Variants in KIF3C observed in about 807,000 individuals in gnomAD.
The protein encoded by KIF3C is kinesin family member 3C, also known as kinesin-like protein KIF3C.
Under a neutral mutation model 67.7 loss-of-function variants are expected in KIF3C, and 12 were observed. The ratio of observed to expected loss-of-function variants is 0.18; its 90% CI spans 0.11 to 0.29. The LOEUF is 0.29. Among genes scored for constraint, KIF3C ranks in the 10% least tolerant of loss-of-function variants. KIF3C has a pLI of 1.00. For synonymous variants in KIF3C, 393 were observed against 426.2 expected, an observed-to-expected ratio of 0.92 and a Z score of 0.96; for missense variants, 789 against 1,059.6, an observed-to-expected ratio of 0.74 and a Z score of 3.55.
Position 25,980,578 on chromosome 2 carries a change from G to T in KIF3C, c.1340C>A (p.Pro447His), listed in dbSNP as rs773812754. ...CTTCTCCAAGGCTGACTCCAGGATG[G>T]GCTGGGGCGGGCGGTGGTTGTTGTT... ...DNNNNHRPPQ[P>H]ILESALEKNM... The change falls in exon 1 of 8, where the codon CCC becomes CAC. Residue 447 changes from proline (P) to histidine (H), a missense_variant. Pro to His is a moderately conservative substitution (Grantham distance 77, BLOSUM62 -2). This residue lies in a region of KIF3C where 648 missense variants were observed against 807.8 expected (regional missense o/e 0.80). Transcript: ENST00000264712. The surrounding 1 kb of genome is among the most constrained non-coding windows in gnomAD (Gnocchi z 7.6). 6.2e-7 allele frequency: 1 copy of T among 1,614,130 alleles called. No individual in the cohort carries two copies. Among genetic ancestry groups the T allele is most frequent in the South Asian group, 1.1e-5 (1 of 91,090 alleles).
rs1247748190 is a variant in KIF3C, at chr2:25,958,235, C to CAGG, written c.1546-1792_1546-1791insCCT. On this transcript the variant is annotated intron_variant, in intron 1 of 7. Coordinates refer to ENST00000264712, the MANE Select transcript of KIF3C (RefSeq NM_002254.8). The surrounding 1 kb of genome is among the most constrained non-coding windows in gnomAD (Gnocchi z 4.5). ...CACTGCTGTGGTCTCCCCACTGCCT[C>CAGG]AGTGTCCCCTTCCACCCCTCTGCCA... Among the ~76,000 whole-genome samples, 14 of 152,294 alleles carry CAGG rather than the reference C, an allele frequency of 9.2e-5. No individual in the cohort carries two copies.
chr2:25,965,597 G>A (rs754296110), intron 1 of KIF3C, among the ~76,000 whole-genome samples: 4 of 151,578 alleles, frequency 2.6e-5, no homozygotes, highest in East Asian at 2.0e-4. Flanking sequence ...CCAAATAGCC[G>A]CATGAGCCAC....
At chr2:25,979,538 CA>C (rs997875184) in intron 1 of KIF3C, among the ~76,000 whole-genome samples, 5 of 152,166 alleles carry the variant, frequency 3.3e-5, no homozygotes, top group Non-Finnish European at 7.3e-5. Flanking sequence ...GCAACTTACA[CA>C]AGGCCACTCA....
chr2:25,978,847 C>T (rs1164327431), intron 1 of KIF3C, among the ~76,000 whole-genome samples: 1 of 152,104 alleles, frequency 6.6e-6, no homozygotes, highest in African/African-American at 2.4e-5. Flanking sequence ...AATCTAACGG[C>T]CCTGCCTCTA....
intron 5 of KIF3C, 119 bp downstream of exon 5, chr2:25,951,670 T>G: frequency 1.5e-6 from 1 of 665,532 alleles, no homozygotes; most frequent in Non-Finnish European, 2.7e-6. Context: ...CCTCCCCATC[T>G]TTTCCCCAAT....
intron 1 of KIF3C, among the ~76,000 whole-genome samples, chr2:25,961,517 T>TA (rs995437176): frequency 3.0e-4 from 45 of 152,294 alleles, no homozygotes; most frequent in African/African-American, 1.0e-3. Context: ...ATCCTAACTC[T>TA]ACTAATTAAA....
chr2:25,956,310 T>A (rs1367713149), intron 2 of KIF3C, 33 bp downstream of exon 2: 1 of 1,520,590 alleles, frequency 6.6e-7, no homozygotes, highest in Non-Finnish European at 9.1e-7. Context: ...CAGGCCACAC[T>A]CTCCAAGGGG....
intron 5 of KIF3C, 55 bp from the exon 6 acceptor site, chr2:25,930,118 G>T: frequency 7.2e-7 from 1 of 1,387,536 alleles, no homozygotes; most frequent in South Asian, 1.2e-5. Flanking sequence ...AACAGCAAAT[G>T]ACATCATGAG....
intron 1 of KIF3C, among the ~76,000 whole-genome samples, chr2:25,978,573 G>A (rs551247635): frequency 2.0e-5 from 3 of 152,150 alleles, no homozygotes; most frequent in African/African-American, 4.8e-5. Context: ...GGTGCTGGCC[G>A]CCCTGATCTC....
chr2:25,929,604 C>T lies in KIF3C; in HGVS notation c.2116-127G>A, dbSNP rs2090440944. 7.2e-6 allele frequency: 5 copies of T among 690,964 alleles called. No individual in the cohort carries two copies. The South Asian group carries it at 9.6e-5, about 13-fold the overall frequency. The allele number at this position is 690,964 out of a possible 1,614,324, so 42.8% of individuals were successfully genotyped here. ...GGGAAGCAGAGGCTGTGAGCATCCCCTCCCATAGGCTCTTTTTTTTTTTTC... is the reference window on the plus strand; with the variant it reads ...GGGAAGCAGAGGCTGTGAGCATCCCTTCCCATAGGCTCTTTTTTTTTTTTC... On this transcript the variant is annotated intron_variant, in intron 6 of 7. Coordinates refer to ENST00000264712, the MANE Select transcript of KIF3C (RefSeq NM_002254.8).
chr2:25,946,483 T>A (rs528409636), intron 5 of KIF3C, among the ~76,000 whole-genome samples: 47 of 151,788 alleles, frequency 3.1e-4, no homozygotes, highest in African/African-American at 1.0e-3. Flanking sequence ...AGGTCAGGAG[T>A]TCGAGACCAT....
intron 5 of KIF3C, among the ~76,000 whole-genome samples, chr2:25,942,994 T>A (rs1408776296): frequency 1.3e-5 from 2 of 152,198 alleles, no homozygotes; most frequent in African/African-American, 4.8e-5. Context: ...TGGGACAGCA[T>A]GACTTCAGGT....
rs971196003 is a variant in KIF3C at position 25,926,791 on chromosome 2, T to C, written c.*2187A>G. The C allele has an allele frequency of 1.3e-5, 2 of 152,186 alleles. No homozygotes were observed. The highest frequency in any genetic ancestry group is 2.4e-5 in the African/African-American group (1 of 41,456). 9.4% of individuals were successfully genotyped at this position (152,186 alleles called of 1,614,324 possible). A position where few individuals can be genotyped will look rare whatever the true frequency, so the allele number is the denominator to read the frequency against. On this transcript the variant is annotated 3_prime_UTR_variant, in exon 8 of 8. Transcript: ENST00000264712. ...TACATATGTCCCGTATAGTCATATG[T>C]GTAGAGTGACAAGAATGGGCCACTG... is the stretch of plus-strand genomic sequence containing the variant.
At chr2:25,956,085 C>T (rs1663800357) in intron 2 of KIF3C, among the ~76,000 whole-genome samples, 2 of 152,180 alleles carry the variant, frequency 1.3e-5, no homozygotes, top group African/African-American at 4.8e-5. Context: ...GTGGAAGGCC[C>T]AGGAATTAGT....
At chr2:25,969,105 T>C (rs1415030476) in intron 1 of KIF3C, among the ~76,000 whole-genome samples, 2 of 152,202 alleles carry the variant, frequency 1.3e-5, no homozygotes, top group Non-Finnish European at 2.9e-5. Context: ...ATTACAGGCG[T>C]GAGCCACCGC....
chr2:25,972,412 G>A (rs550654238), intron 1 of KIF3C, among the ~76,000 whole-genome samples: 2 of 152,110 alleles, frequency 1.3e-5, no homozygotes, highest in Non-Finnish European at 2.9e-5. Flanking sequence ...CCCCCAGGAC[G>A]CAACGATTCT....
intron 5 of KIF3C, among the ~76,000 whole-genome samples, chr2:25,944,410 G>C (rs778643501): frequency 6.7e-6 from 1 of 150,288 alleles, no homozygotes; most frequent in Non-Finnish European, 1.5e-5. Flanking sequence ...GAGTGAAGTG[G>C]TATAATCACA....
At chr2:25,947,225 A>T (rs567976976) in intron 5 of KIF3C, among the ~76,000 whole-genome samples, 1 of 152,276 alleles carries the variant, frequency 6.6e-6, no homozygotes, top group Admixed American at 6.5e-5. Flanking sequence ...ATGGGCTAGA[A>T]ATTGGCAACA....
In KIF3C at chr2:25,942,743, C is replaced by T. The variant is rs185151988; in HGVS notation, c.2006+9046G>A. 1.8e-3 allele frequency among the ~76,000 whole-genome samples: 276 copies of T among 152,210 alleles called. 3 individuals are homozygous for T. Among genetic ancestry groups the T allele is most frequent in the Non-Finnish European group, 6.5e-4 (44 of 68,002 alleles). ...TTTTTAAAGTAACTTTAATATTATA[C>T]AAGATTATGACTGTGGAAGGCACCT... is the stretch of plus-strand genomic sequence containing the variant. On this transcript the variant is annotated intron_variant, in intron 5 of 7. Transcript: ENST00000264712.
Sources: gnomAD v4.1 joint callset for allele counts (sites outside exome capture counted in the v4.1 genomes callset) on GRCh38, gnomAD v4.1.1 for gene constraint, gnomAD v4.1.1 regional missense constraint, Gnocchi (gnomAD v3.1) non-coding constraint, MANE v1.5 for transcripts, NCBI Gene and HGNC (gene_info 2026-07-23, HGNC 2026-07-21) for gene names.